Variants in IPO11 observed in about 807,000 individuals in gnomAD.
The protein encoded by IPO11 is importin 11.
IPO11 carries 66 observed loss-of-function variants against 143.2 expected under a neutral mutation model. The ratio of observed to expected loss-of-function variants is 0.46; its 90% CI spans 0.38 to 0.57. The LOEUF is 0.57. IPO11 is among the 20% of genes least tolerant of loss of function. The pLI, the probability that IPO11 is intolerant of heterozygous loss-of-function variation, is 0.00. For missense variants in IPO11, 1,026 were observed against 1,141.0 expected, an observed-to-expected ratio of 0.90 and a Z score of 1.45; for synonymous variants, 385 against 377.8, an observed-to-expected ratio of 1.02 and a Z score of -0.22.
intron 24 of IPO11, among the ~76,000 whole-genome samples, chr5:62,548,172 A>G (rs747729338): frequency 2.0e-5 from 3 of 152,074 alleles, no homozygotes; most frequent in Non-Finnish European, 4.4e-5. Context: ...AAGCTGAGAC[A>G]TGTAGTCAGC....
At chr5:62,609,011 C>T (rs2112461480) in intron 29 of IPO11, among the ~76,000 whole-genome samples, 1 of 152,280 alleles carries the variant, frequency 6.6e-6, no homozygotes, top group Non-Finnish European at 1.5e-5. Flanking sequence ...TGTGTAGCCT[C>T]ATATGATTTT....
chr5:62,626,465 C>A (rs993892378), intron 29 of IPO11, among the ~76,000 whole-genome samples: 1 of 152,148 alleles, frequency 6.6e-6, no homozygotes, highest in South Asian at 2.1e-4. Flanking sequence ...AGGATTCAAT[C>A]GGGTATATCA....
At chr5:62,523,737 TA>T (rs1193172874) in intron 20 of IPO11, among the ~76,000 whole-genome samples, 1 of 152,194 alleles carries the variant, frequency 6.6e-6, no homozygotes, top group Non-Finnish European at 1.5e-5. Flanking sequence ...GGTTCAGTAT[TA>T]GAAGTTGAGA....
At chr5:62,471,633 C>A (rs139400639) in intron 7 of IPO11, among the ~76,000 whole-genome samples, 35 of 152,156 alleles carry the variant, frequency 2.3e-4, no homozygotes, top group African/African-American at 8.2e-4. Flanking sequence ...CGTTTCCTTA[C>A]TTTTTAAAAA....
At chr5:62,572,835 G>A (rs1361545082) in intron 27 of IPO11, among the ~76,000 whole-genome samples, 2 of 151,998 alleles carry the variant, frequency 1.3e-5, no homozygotes, top group African/African-American at 4.8e-5. Context: ...CGCCTGCCTG[G>A]GCCTCCCAAT....
chr5:62,527,152 GTGT>G (rs773683888), intron 21 of IPO11, among the ~76,000 whole-genome samples: 4 of 152,182 alleles, frequency 2.6e-5, no homozygotes, highest in Non-Finnish European at 5.9e-5. Context: ...CTTCAGAAAG[GTGT>G]TGTTCGAACT....
chr5:62,543,980 A>G (rs952293963), intron 24 of IPO11, among the ~76,000 whole-genome samples: 1 of 152,148 alleles, frequency 6.6e-6, no homozygotes, highest in African/African-American at 2.4e-5. Context: ...TTCAGTTTCC[A>G]TGTAGTTGAG....
intron 24 of IPO11, among the ~76,000 whole-genome samples, chr5:62,538,124 A>T (rs1445294314): frequency 6.6e-6 from 1 of 152,222 alleles, no homozygotes; most frequent in African/African-American, 2.4e-5. Context: ...ATCACAACAA[A>T]GTAGCATTAT....
At chr5:62,453,036 A>G (rs1170629928) in intron 5 of IPO11, among the ~76,000 whole-genome samples, 2 of 150,834 alleles carry the variant, frequency 1.3e-5, no homozygotes, top group Non-Finnish European at 2.9e-5. Flanking sequence ...ATATAATTTT[A>G]AGTCTTATTA....
intron 22 of IPO11, among the ~76,000 whole-genome samples, chr5:62,533,439 C>T (rs1256653046): frequency 1.3e-5 from 2 of 151,804 alleles, no homozygotes; most frequent in African/African-American, 2.4e-5. Flanking sequence ...CTTGAACTCC[C>T]GACCTCAGGT....
chr5:62,503,892 A>G (rs1262357786), intron 16 of IPO11, among the ~76,000 whole-genome samples: 1 of 152,184 alleles, frequency 6.6e-6, no homozygotes. Flanking sequence ...AACATCTAAG[A>G]AAGTAATGGT....
chr5:62,475,985 A>G (rs911013576), intron 8 of IPO11, among the ~76,000 whole-genome samples: 6 of 152,196 alleles, frequency 3.9e-5, no homozygotes, highest in African/African-American at 9.7e-5. Context: ...GGAGCTACTG[A>G]TTGTTTTATG....
chr5:62,521,990 C>T (rs1467329513), intron 20 of IPO11, among the ~76,000 whole-genome samples: 1 of 152,068 alleles, frequency 6.6e-6, no homozygotes, highest in Non-Finnish European at 1.5e-5. Context: ...TGCCTGGTCT[C>T]TGTTTCTTTT....
chr5:62,474,277 C>T, intron 7 of IPO11, 139 bp from the exon 8 acceptor site: 3 of 541,288 alleles, frequency 5.5e-6, no homozygotes, highest in Middle Eastern at 5.0e-4. Context: ...CTGTTTTTTG[C>T]TTAACTAATT....
At chr5:62,453,298 C>A (rs1187034452) in intron 5 of IPO11, among the ~76,000 whole-genome samples, 1 of 151,100 alleles carries the variant, frequency 6.6e-6, no homozygotes, top group African/African-American at 2.5e-5. Context: ...TTTCCTAGAC[C>A]TCCTTCTGAC....
At chr5:62,624,299 G>C (rs1316546122) in intron 29 of IPO11, among the ~76,000 whole-genome samples, 1 of 152,134 alleles carries the variant, frequency 6.6e-6, no homozygotes, top group African/African-American at 2.4e-5. Context: ...CTCCCAAAGT[G>C]CTGGGATTAC....
chr5:62,487,365 C>T (rs1561331212), intron 12 of IPO11, among the ~76,000 whole-genome samples: 1 of 151,856 alleles, frequency 6.6e-6, no homozygotes, highest in Non-Finnish European at 1.5e-5. Flanking sequence ...CACTGCACTC[C>T]AGCCTGGTGA....
intron 1 of IPO11, among the ~76,000 whole-genome samples, chr5:62,435,995 C>T (rs1485788100): frequency 6.6e-6 from 1 of 152,176 alleles, no homozygotes; most frequent in Non-Finnish European, 1.5e-5. Context: ...GCACTCGAGC[C>T]TGGGTGACAG....
At chr5:62,439,467 T>G (rs1057070032) in intron 2 of IPO11, among the ~76,000 whole-genome samples, 2 of 151,856 alleles carry the variant, frequency 1.3e-5, no homozygotes, top group Non-Finnish European at 2.9e-5. Flanking sequence ...TTTTGTATTT[T>G]TAGTAGAGAT....
Sources: allele counts gnomAD v4.1 joint callset (sites outside exome capture counted in the v4.1 genomes callset), GRCh38; gene constraint gnomAD v4.1.1; transcripts MANE v1.5; gene names NCBI Gene and HGNC (gene_info 2026-07-23, HGNC 2026-07-21).